DIP2C: variants seen among roughly 807,000 people sequenced by gnomAD.
DIP2C encodes the protein DIP2 acetate--CoA ligase C (putative), also known as disco-interacting protein 2 homolog C.
Under a neutral mutation model 192.4 loss-of-function variants are expected in DIP2C, and 33 were observed. The ratio of observed to expected loss-of-function variants is 0.17; its 90% CI spans 0.13 to 0.23. DIP2C has a LOEUF of 0.23. DIP2C is among the 10% of genes least tolerant of loss of function. The probability of loss-of-function intolerance (pLI) is 1.00; values close to 1 mark genes in which losing one functional copy is unlikely to be tolerated. For synonymous variants in DIP2C, 979 were observed against 864.1 expected, an observed-to-expected ratio of 1.13 and a Z score of -2.33; for missense variants, 1,537 against 2,110.1, an observed-to-expected ratio of 0.73 and a Z score of 5.32.
At chr10:448,250 C>CA (rs1227765280) in intron 3 of DIP2C, among the ~76,000 whole-genome samples, 7 of 131,474 alleles carry the variant, frequency 5.3e-5, no homozygotes, top group East Asian at 4.3e-4. Flanking sequence ...CACAGTGGGG[C>CA]AGCAGGACCC....
chr10:382,835 A>G, intron 16 of DIP2C, 74 bp from the exon 17 acceptor site: 1 of 1,114,386 alleles, frequency 9.0e-7, no homozygotes, highest in Non-Finnish European at 1.3e-6. Flanking sequence ...CATAGAAAAT[A>G]GTTCCGAAGG....
At position 666,150 on chromosome 10, in the gene DIP2C, G is replaced by A. The variant is rs917774615; in HGVS notation, c.85+23344C>T. On this transcript the variant is annotated intron_variant, in intron 1 of 36. Coordinates refer to ENST00000280886, the MANE Select transcript of DIP2C (RefSeq NM_014974.3). The surrounding 1 kb of genome is among the most constrained non-coding windows in gnomAD (Gnocchi z 4.1). ...GCTATCTGGAATAATACGAGTCCGG[G>A]TGACATATGTAATTGTGAGTTTTTG... 2.0e-5 allele frequency: 3 copies of A among 152,166 alleles called. No homozygotes were observed. Among genetic ancestry groups the A allele is most frequent in the African/African-American group, 7.2e-5 (3 of 41,428 alleles). The allele number at this position is 152,166 out of a possible 1,614,324, so 9.4% of individuals were successfully genotyped here.
chr10:378,694 CACACATGAACAGATATGCACAG>C (rs1225478254), intron 17 of DIP2C, among the ~76,000 whole-genome samples: 3 of 151,758 alleles, frequency 2.0e-5, no homozygotes, highest in Non-Finnish European at 4.4e-5. Context: ...GACATGCATA[CACACATGAACAGATATGCACAG>C]ACACGTGAAC....
At chr10:579,206 A>G (rs1300268548) in intron 1 of DIP2C, among the ~76,000 whole-genome samples, 2 of 152,102 alleles carry the variant, frequency 1.3e-5, no homozygotes, top group African/African-American at 4.8e-5. Context: ...TGCATAGAGC[A>G]TACACACATC....
chr10:488,708 T>A (rs1356983948), intron 1 of DIP2C, among the ~76,000 whole-genome samples: 1 of 152,246 alleles, frequency 6.6e-6, no homozygotes, highest in Non-Finnish European at 1.5e-5. Flanking sequence ...CCTGCATGGA[T>A]GACGCCTCTG....
intron 9 of DIP2C, among the ~76,000 whole-genome samples, chr10:406,917 G>A (rs749378456): frequency 1.4e-4 from 21 of 151,848 alleles, no homozygotes; most frequent in Non-Finnish European, 2.5e-4. Context: ...CCAGTTCTGC[G>A]AACCCACCCA....
rs574824107 is a variant in DIP2C at position 579,748 on chromosome 10, A to G, written c.86-93218T>C. On this transcript the variant is annotated intron_variant, in intron 1 of 36. Coordinates refer to ENST00000280886, the MANE Select transcript of DIP2C (RefSeq NM_014974.3). ...TCAATACAGCATACATAGGTACACTATAATGTATGTACATGCAGAGCATAC... is the reference window on the plus strand; with the variant it reads ...TCAATACAGCATACATAGGTACACTGTAATGTATGTACATGCAGAGCATAC... Among the ~76,000 whole-genome samples the G allele has an allele frequency of 6.0e-4, 92 of 152,256 alleles. 1 individual carries two copies. The highest frequency in any genetic ancestry group is 1.6e-3 in the African/African-American group (68 of 41,534).
intron 1 of DIP2C, among the ~76,000 whole-genome samples, chr10:513,860 A>C (rs1189972099): frequency 2.0e-5 from 3 of 152,218 alleles, no homozygotes; most frequent in African/African-American, 7.2e-5. Flanking sequence ...AGACATCTGC[A>C]AACATCGACA....
intron 1 of DIP2C, among the ~76,000 whole-genome samples, chr10:548,464 G>GAGGC (rs1554897921): frequency 2.6e-3 from 377 of 144,680 alleles, no homozygotes; most frequent in African/African-American, 7.4e-3. Flanking sequence ...GGGAGGGAGG[G>GAGGC]AGGCAGGCAG....
intron 26 of DIP2C, among the ~76,000 whole-genome samples, chr10:346,575 T>C (rs61836765): frequency 0.92 from 61,851 of 66,922 alleles, 28,980 homozygotes; most frequent in East Asian, 0.97. Context: ...ATAGTTCTCC[T>C]GGAAACCCCA....
chr10:487,956 G>C (rs184750359), intron 1 of DIP2C, among the ~76,000 whole-genome samples: 2 of 152,146 alleles, frequency 1.3e-5, no homozygotes, highest in Admixed American at 1.3e-4. Context: ...ACTCCACACC[G>C]GCAGCCATCA....
chr10:445,732 T>C (rs1968129756), intron 3 of DIP2C, among the ~76,000 whole-genome samples: 1 of 151,214 alleles, frequency 6.6e-6, no homozygotes, highest in Non-Finnish European at 1.5e-5. Context: ...CCACTGAGCA[T>C]CTGTATACAC....
intron 1 of DIP2C, among the ~76,000 whole-genome samples, chr10:520,206 A>G (rs758410778): frequency 4.6e-5 from 7 of 152,170 alleles, no homozygotes; most frequent in Non-Finnish European, 1.0e-4. Context: ...CTTACAGGCA[A>G]AGTTTCCACA....
intron 31 of DIP2C, among the ~76,000 whole-genome samples, chr10:321,556 T>G (rs1157415411): frequency 3.1e-5 from 4 of 130,298 alleles, no homozygotes; most frequent in Non-Finnish European, 6.6e-5. Context: ...AGACCGGCGC[T>G]GTTAGAACAG....
intron 1 of DIP2C, among the ~76,000 whole-genome samples, chr10:548,214 C>CA (rs886691051): frequency 8.1e-6 from 1 of 122,970 alleles, no homozygotes; most frequent in Non-Finnish European, 1.8e-5. Flanking sequence ...CCCCACCCCC[C>CA]CCCCCACAGG....
chr10:484,450 A>T (rs1843848226), intron 2 of DIP2C, among the ~76,000 whole-genome samples: 1 of 152,252 alleles, frequency 6.6e-6, no homozygotes, highest in Non-Finnish European at 1.5e-5. Context: ...ATAAGATGAA[A>T]GTCTGTAGAA....
rs201768475 is a variant in DIP2C at position 378,774 on chromosome 10, C to CAG, written c.1991+3872_1991+3873insCT. ...GAACACATGCCTAGACACGTGAACA[C>CAG]ACATGCCTAGACACCCATGGACATG... On this transcript the variant is annotated intron_variant, in intron 17 of 36. Coordinates refer to ENST00000280886, the MANE Select transcript of DIP2C (RefSeq NM_014974.3). Among the ~76,000 whole-genome samples the CAG allele has an allele frequency of 6.1e-3, 924 of 151,732 alleles. 4 individuals carry two copies. The highest frequency in any genetic ancestry group is 0.014 in the Middle Eastern group (4 of 294).
intron 3 of DIP2C, among the ~76,000 whole-genome samples, chr10:471,773 G>A (rs1476208048): frequency 6.6e-6 from 1 of 152,172 alleles, no homozygotes; most frequent in African/African-American, 2.4e-5. Context: ...TTGTTTTTGA[G>A]ATGGAGTTTT....
At chr10:535,994 A>G (rs1423180012) in intron 1 of DIP2C, among the ~76,000 whole-genome samples, 1 of 152,214 alleles carries the variant, frequency 6.6e-6, no homozygotes, top group Non-Finnish European at 1.5e-5. Flanking sequence ...GTATTTTCAG[A>G]TGGATGGTAC....
Sources: gnomAD v4.1 joint callset for allele counts (sites outside exome capture counted in the v4.1 genomes callset) on GRCh38, gnomAD v4.1.1 for gene constraint, Gnocchi (gnomAD v3.1) non-coding constraint, MANE v1.5 for transcripts, NCBI Gene and HGNC (gene_info 2026-07-23, HGNC 2026-07-21) for gene names.